Variants in OTUD4 observed in about 807,000 individuals in gnomAD.
OTUD4 encodes the protein OTU deubiquitinase 4, also known as OTU domain-containing protein 4.
A neutral mutation model predicts 130.4 loss-of-function variants in OTUD4; 24 were observed. The observed-to-expected ratio is 0.18, with a 90% CI of 0.13 to 0.26. The LOEUF (loss-of-function observed/expected upper bound fraction) is 0.26. Ranked by LOEUF, OTUD4 falls within the 10% of genes least tolerant of loss-of-function variation. OTUD4 has a pLI of 1.00. For synonymous variants in OTUD4, 420 were observed against 472.5 expected (o/e 0.89, Z 1.44); for missense variants, 1,031 against 1,329.4 (o/e 0.78, Z 3.49).
intron 10 of OTUD4, among the ~76,000 whole-genome samples, chr4:145,152,872 C>CA (rs1751128329): frequency 6.6e-6 from 1 of 150,804 alleles, no homozygotes; most frequent in Non-Finnish European, 1.5e-5. Context: ...AGGTGTGTGA[C>CA]ACCACACTCG....
intron 1 of OTUD4, among the ~76,000 whole-genome samples, chr4:145,179,170 G>T (rs985302001): frequency 8.5e-5 from 13 of 152,114 alleles, no homozygotes; most frequent in African/African-American, 2.9e-4. Flanking sequence ...ATCAAAACAG[G>T]CTTTTTTAAA....
intron 3 of OTUD4, among the ~76,000 whole-genome samples, chr4:145,170,341 A>C (rs892655614): frequency 6.6e-6 from 1 of 152,148 alleles, no homozygotes; most frequent in African/African-American, 2.4e-5. Flanking sequence ...ACCACTTCTT[A>C]TCTTCACATA....
intron 7 of OTUD4, 63 bp from the exon 8 acceptor site, chr4:145,156,059 C>A: frequency 7.6e-7 from 1 of 1,317,094 alleles, no homozygotes; most frequent in Non-Finnish European, 1.1e-6. Flanking sequence ...TACCTTCTAA[C>A]CTCATCTAAA....
At chr4:145,174,168 T>C (rs769530416) in intron 2 of OTUD4, among the ~76,000 whole-genome samples, 1 of 152,148 alleles carries the variant, frequency 6.6e-6, no homozygotes, top group Non-Finnish European at 1.5e-5. Context: ...ACCATGCCAC[T>C]ACTTTTAGTA....
chr4:145,144,185 T>C, intron 15 of OTUD4, 126 bp downstream of exon 15: 1 of 1,154,398 alleles, frequency 8.7e-7, no homozygotes, highest in East Asian at 2.3e-5. Flanking sequence ...TCTGCAACAT[T>C]CAAAATATGT....
At position 145,179,665 on chromosome 4, in the gene OTUD4, C is replaced by T. The variant is rs1006679360; in HGVS notation, c.159+150G>A. The T allele has an allele frequency of 2.5e-5, 35 of 1,405,048 alleles. No homozygotes were observed. In the Middle Eastern group the frequency reaches 1.3e-3, roughly 53 times the overall value. 87.0% of individuals were successfully genotyped at this position (1,405,048 alleles called of 1,614,324 possible). On this transcript the variant is annotated intron_variant, in intron 1 of 20. Transcript: ENST00000447906. ...TTCAGACGCAAAGCAGCGTCCCACT[C>T]CGGCGTTACAATGGGGCGCTGTGAC...
Position 145,134,394 on chromosome 4 carries a change from G to T in OTUD4, c.*3036C>A, listed in dbSNP as rs747770854. The T allele has an allele frequency of 3.7e-6, 1 of 267,254 alleles. No homozygotes were observed. Among genetic ancestry groups the T allele is most frequent in the Admixed American group, 5.3e-5 (1 of 18,808 alleles). The allele number at this position is 267,254 out of a possible 1,614,324, so 16.6% of individuals were successfully genotyped here. On this transcript the variant is annotated 3_prime_UTR_variant, in exon 21 of 21. Coordinates refer to ENST00000447906, the MANE Select transcript of OTUD4 (RefSeq NM_001366057.1). Reference sequence around the variant, plus strand: ...CCTCATCTAAAAATGAAGGTAAAACGAAAGAGGCAAAAATAAATATTGCTA... The same window carrying T: ...CCTCATCTAAAAATGAAGGTAAAACTAAAGAGGCAAAAATAAATATTGCTA...
At position 145,136,000 on chromosome 4, in the gene OTUD4, G is replaced by C. The variant is rs1300314654; in HGVS notation, c.*1430C>G. ...ACAAAAAAAGAAAGTCACCGCATCT[G>C]GTTTTGGCTAGGTATATTACACATG... On this transcript the variant is annotated 3_prime_UTR_variant, in exon 21 of 21. Transcript: ENST00000447906. The C allele has an allele frequency of 6.6e-6, 1 of 152,600 alleles. No homozygotes were observed. Among genetic ancestry groups the C allele is most frequent in the Admixed American group, 6.5e-5 (1 of 15,274 alleles). The allele number at this position is 152,600 out of a possible 1,614,324, so 9.5% of individuals were successfully genotyped here.
At chr4:145,164,398 C>T (rs1751743279) in intron 4 of OTUD4, among the ~76,000 whole-genome samples, 172 bp from the exon 5 acceptor site, 1 of 151,754 alleles carries the variant, frequency 6.6e-6, no homozygotes, top group Non-Finnish European at 1.5e-5. Flanking sequence ...ATAAAAGTAA[C>T]CTTTTTAACA....
At chr4:145,151,107 T>C (rs1262930109) in intron 11 of OTUD4, among the ~76,000 whole-genome samples, 1 of 152,168 alleles carries the variant, frequency 6.6e-6, no homozygotes, top group East Asian at 1.9e-4. Flanking sequence ...AAAAGCATAT[T>C]TTCTAATTTT....
At chr4:145,171,609 A>T in intron 3 of OTUD4, 61 bp downstream of exon 3, 1 of 761,800 alleles carries the variant, frequency 1.3e-6, no homozygotes, top group Non-Finnish European at 2.3e-6. Context: ...TATTTTAATG[A>T]ATTTTAAATA....
chr4:145,179,143 C>T (rs1322588704), intron 1 of OTUD4, among the ~76,000 whole-genome samples: 2 of 152,296 alleles, frequency 1.3e-5, no homozygotes, highest in South Asian at 2.1e-4. Context: ...GTTACACGTA[C>T]CCTTTCTACT....
intron 17 of OTUD4, among the ~76,000 whole-genome samples, chr4:145,143,140 A>C (rs1750644518): frequency 6.6e-6 from 1 of 152,264 alleles, no homozygotes; most frequent in Non-Finnish European, 1.5e-5. Context: ...AAATGGTCTC[A>C]ATCACCAGAA....
chr4:145,160,633 T>C (rs1478658548), intron 6 of OTUD4, among the ~76,000 whole-genome samples: 1 of 152,078 alleles, frequency 6.6e-6, no homozygotes, highest in Non-Finnish European at 1.5e-5. Context: ...GCCAACATGG[T>C]GAAACCCTGT....
At chr4:145,142,565 T>C (rs931626268) in intron 17 of OTUD4, among the ~76,000 whole-genome samples, 1 of 152,236 alleles carries the variant, frequency 6.6e-6, no homozygotes, top group Admixed American at 6.5e-5. Flanking sequence ...CTGTATTTTT[T>C]AATACAGACA....
At position 145,136,391 on chromosome 4, in the gene OTUD4, C is replaced by G. The variant is rs539042802; in HGVS notation, c.*1039G>C. 7.3e-6 allele frequency: 1 copy of G among 136,852 alleles called. No individual in the cohort carries two copies. The highest frequency in any genetic ancestry group is 2.2e-4 in the South Asian group (1 of 4,468). The allele number at this position is 136,852 out of a possible 1,614,324, so 8.5% of individuals were successfully genotyped here. Reference sequence around the variant, plus strand: ...CTAGAAGTCACAATCATATTATCTTCTATACAATAGTTCCAGCCCTGACAA... The same window carrying G: ...CTAGAAGTCACAATCATATTATCTTGTATACAATAGTTCCAGCCCTGACAA... On this transcript the variant is annotated 3_prime_UTR_variant, in exon 21 of 21. Transcript: ENST00000447906.
At chr4:145,144,838 G>C (rs1198980088) in intron 14 of OTUD4, among the ~76,000 whole-genome samples, 2 of 152,090 alleles carry the variant, frequency 1.3e-5, no homozygotes, top group Non-Finnish European at 2.9e-5. Flanking sequence ...GTGCAAATTA[G>C]CAAATACAGT....
intron 3 of OTUD4, among the ~76,000 whole-genome samples, chr4:145,165,455 CACAGCA>C (rs1398921662): frequency 6.6e-6 from 1 of 151,990 alleles, no homozygotes; most frequent in Non-Finnish European, 1.5e-5. Flanking sequence ...GTGGCAAGAC[CACAGCA>C]TGGCATCTGT....
At chr4:145,146,457 AATAC>A (rs763120051) in intron 13 of OTUD4, 28 bp from the exon 14 acceptor site, 5 of 1,261,318 alleles carry the variant, frequency 4.0e-6, no homozygotes, top group South Asian at 3.4e-5. Context: ...CTTGTCAGAA[AATAC>A]ATAAATAAAT....
Sources: gnomAD v4.1 joint callset for allele counts (sites outside exome capture counted in the v4.1 genomes callset) on GRCh38, gnomAD v4.1.1 for gene constraint, MANE v1.5 for transcripts, NCBI Gene and HGNC (gene_info 2026-07-23, HGNC 2026-07-21) for gene names.